Variants in ARAP3 observed in about 807,000 individuals in gnomAD.
The protein encoded by ARAP3 is arf-GAP with Rho-GAP domain, ANK repeat and PH domain-containing protein 3.
In ARAP3, 82 loss-of-function variants were observed where a neutral mutation model predicts 169.2. That is an observed-to-expected ratio of 0.48 (90% CI 0.41 to 0.58). The LOEUF is 0.58. ARAP3 is among the 20% of genes least tolerant of loss of function. ARAP3 has a pLI of 0.00. For synonymous variants in ARAP3, 791 were observed against 800.3 expected (o/e 0.99, Z 0.20); for missense variants, 1,764 against 2,018.0 (o/e 0.87, Z 2.41).
chr5:141,658,687 A>T (rs753005300), intron 23 of ARAP3, 34 bp from the exon 24 acceptor site: 1 of 1,555,032 alleles, frequency 6.4e-7, no homozygotes. Flanking sequence ...AGAAGGGCAA[A>T]AAAAGGGTGC....
In ARAP3 at chr5:141,672,167, C is replaced by T; in HGVS notation, c.1520G>A (p.Cys507Tyr). ...SNRANRQCAD[C>Y]GSSRPDWAAV... ...AGCCCAATCTGGGCGGGAGGACCCA[C>T]AGTCCGCACACTGCCGGTTGGCCCG... Residue 507 changes from cysteine to tyrosine, a missense_variant, in exon 10 of 33, where the codon TGT (cysteine) becomes TAT (tyrosine). Around this residue, in one of 3 missense-constraint regions of ARAP3, gnomAD observed 630 missense variants for 678.7 expected, o/e 0.93. Transcript: ENST00000239440. The surrounding 1 kb of genome is among the most constrained non-coding windows in gnomAD (Gnocchi z 4.9). The T allele has an allele frequency of 6.2e-7, 1 of 1,614,210 alleles. No homozygotes were observed. The highest frequency in any genetic ancestry group is 1.7e-5 in the Admixed American group (1 of 60,036).
chr5:141,669,931 G>A lies in ARAP3; in HGVS notation c.2240C>T (p.Pro747Leu). The A allele has an allele frequency of 6.2e-7, 1 of 1,601,426 alleles. No individual in the cohort carries two copies. The highest frequency in any genetic ancestry group is 1.3e-5 in the African/African-American group (1 of 74,250). The change falls in exon 15 of 33, where the codon CCA becomes CTA. Residue 747 changes from proline to leucine, a missense_variant. By Grantham distance (98) the Pro-to-Leu change is moderately conservative (BLOSUM62 -3). Coordinates refer to ENST00000239440, the MANE Select transcript of ARAP3 (RefSeq NM_022481.6). ...CLGVSPPPTD[P>L]GDRFPFSFEL... ...ACAGAAGGGCTATTACCTGTCACCT[G>A]GGTCAGTGGGTGGGGGGCTCACACC...
chr5:141,656,106 G>A lies in ARAP3; in HGVS notation c.3873-7C>T. On this transcript the variant is annotated splice_polypyrimidine_tract_variant and splice_region_variant and intron_variant, in intron 28 of 32. Transcript: ENST00000239440. Reference sequence around the variant, plus strand: ...TATCAATGTGAAGCCCCACCTGGGAGACAAAGAACAGTGATGGGGCAGTCA... The same window carrying A: ...TATCAATGTGAAGCCCCACCTGGGAAACAAAGAACAGTGATGGGGCAGTCA... 6.2e-7 allele frequency: 1 copy of A among 1,614,174 alleles called. No individual in the cohort carries two copies. The highest frequency in any genetic ancestry group is 2.2e-5 in the East Asian group (1 of 44,872).
Position 141,673,765 on chromosome 5 carries a change from C to T in ARAP3, c.742G>A (p.Ala248Thr). 6.2e-7 allele frequency: 1 copy of T among 1,614,156 alleles called. No homozygotes were observed. Residue 248 changes from alanine to threonine, a missense_variant, in exon 5 of 33, where the codon GCC (alanine) becomes ACC (threonine). Ala to Thr is a moderately conservative substitution (Grantham distance 58). This residue lies in a region of ARAP3 where 630 missense variants were observed against 678.7 expected (regional missense o/e 0.93). Transcript: ENST00000239440. The stretch of plus-strand genomic sequence containing the variant: ...GAGTCTCCAGGTAGCTCAAGGCTGG[C>T]ATAGCCAGCATCCTCCCGTGCCTCC... ...DLEAREDAGY[A>T]SLELPGDSTL...
intron 13 of ARAP3, 45 bp from the exon 14 acceptor site, chr5:141,670,673 G>T: frequency 6.5e-7 from 1 of 1,539,420 alleles, no homozygotes; most frequent in Non-Finnish European, 9.0e-7. Context: ...AGTGCAACGG[G>T]ATAACCTGAC....
In ARAP3 at chr5:141,672,932, G is replaced by A; in HGVS notation, c.1094-7C>T. On this transcript the variant is annotated splice_region_variant and splice_polypyrimidine_tract_variant and intron_variant, in intron 7 of 32. Transcript: ENST00000239440. The surrounding 1 kb of genome is among the most constrained non-coding windows in gnomAD (Gnocchi z 4.9). Reference sequence around the variant, plus strand: ...CACCACATGTCCCGCTGAGCTGGTGGGGATGGAGAAGCAGGTCAGTGGCTG... The same window carrying A: ...CACCACATGTCCCGCTGAGCTGGTGAGGATGGAGAAGCAGGTCAGTGGCTG... The A allele has an allele frequency of 6.2e-7, 1 of 1,611,736 alleles. No homozygotes were observed. Among genetic ancestry groups the A allele is most frequent in the Non-Finnish European group, 8.5e-7 (1 of 1,178,670 alleles).
intron 13 of ARAP3, 42 bp from the exon 14 acceptor site, chr5:141,670,670 C>T (rs758703893): frequency 6.5e-6 from 10 of 1,544,690 alleles, no homozygotes; most frequent in East Asian, 2.3e-5. Context: ...CCAAGTGCAA[C>T]GGGATAACCT....
At position 141,666,472 on chromosome 5, in the gene ARAP3, G is replaced by C; in HGVS notation, c.2524C>G (p.Pro842Ala). The change falls in exon 17 of 33, where the codon CCC becomes GCC. Residue 842 changes from proline to alanine, a missense_variant. This residue lies in a region of ARAP3 where 1,112 missense variants were observed against 1,285.7 expected (regional missense o/e 0.86). Coordinates refer to ENST00000239440, the MANE Select transcript of ARAP3 (RefSeq NM_022481.6). ...LFLCSAPGPG[P>A]PAPEDMVHLR... ...TGCACCATGTCCTCAGGGGCTGGGG[G>C]GCCTGGGCCCGGCGCTGAGCACAGG... 6.3e-7 allele frequency: 1 copy of C among 1,596,968 alleles called. No individual in the cohort carries two copies. Among genetic ancestry groups the C allele is most frequent in the Non-Finnish European group, 8.5e-7 (1 of 1,171,740 alleles).
In ARAP3 at chr5:141,665,477, AC is replaced by A. The variant is rs2099910508; in HGVS notation, c.2573-104del. On this transcript the variant is annotated intron_variant, in intron 17 of 32. Coordinates refer to ENST00000239440, the MANE Select transcript of ARAP3 (RefSeq NM_022481.6). ...GCATAGATGCCAGGCTAGGAGCATT[AC>A]AAAAAACGTTCAGTTGAATCCTATG... 4.1e-6 allele frequency: 5 copies of A among 1,228,060 alleles called. No individual in the cohort carries two copies. The Admixed American group carries it at 7.9e-5, about 19-fold the overall frequency. The allele number at this position is 1,228,060 out of a possible 1,614,324, so 76.1% of individuals were successfully genotyped here. A position where few individuals can be genotyped will look rare whatever the true frequency, so the allele number is the denominator to read the frequency against.
In ARAP3 at chr5:141,661,744, A is replaced by G; in HGVS notation, c.3059T>C (p.Ile1020Thr). Residue 1020 changes from isoleucine to threonine, a missense_variant, in exon 21 of 33, where the codon ATT becomes ACT. By Grantham distance (89) the Ile-to-Thr change is moderately conservative. Coordinates refer to ENST00000239440, the MANE Select transcript of ARAP3 (RefSeq NM_022481.6). The stretch of plus-strand genomic sequence containing the variant: ...GCGGTTGACCCGCGGCAGGCAGCCA[A>G]TCACATCTTTATATTTCTCCAGGCG... ...NQRLEKYKDV[I>T]GCLPRVNRRT... The G allele has an allele frequency of 6.2e-7, 1 of 1,614,262 alleles. No individual in the cohort carries two copies. The highest frequency in any genetic ancestry group is 8.5e-7 in the Non-Finnish European group (1 of 1,180,054).
intron 19 of ARAP3, 53 bp from the exon 20 acceptor site, chr5:141,662,308 C>A: frequency 3.8e-6 from 6 of 1,577,572 alleles, no homozygotes; most frequent in Non-Finnish European, 5.2e-6. Context: ...TACCACCACC[C>A]ACCACGGCCC....
At position 141,680,354 on chromosome 5, in the gene ARAP3, T is replaced by C; in HGVS notation, c.133A>G (p.Lys45Glu). ...AARGLGHEEL[K>E]QLGISATGHR... ...CCTGTGGCGCTGATGCCCAACTGCT[T>C]CAACTCCTCGTGGCCCAGGCCCCGG... Residue 45 changes from lysine to glutamate, a missense_variant, in exon 2 of 33, where the codon AAG becomes GAG. Transcript: ENST00000239440. 1 of 1,614,190 alleles carries C rather than the reference T, an allele frequency of 6.2e-7. No homozygotes were observed.
chr5:141,656,414 A>G (rs1402005173), intron 27 of ARAP3, 90 bp downstream of exon 27: 2 of 1,583,294 alleles, frequency 1.3e-6, no homozygotes, highest in African/African-American at 2.7e-5. Flanking sequence ...GATTGATGAG[A>G]GTATGGGCTG....
rs759385995 is a variant in ARAP3 at position 141,671,890 on chromosome 5, C to T, written c.1671+5G>A. ...CTCCCACCTTCTCCCTCTTCGCCCGCTCACCTGTACTATCTCATTACTCCA... is the reference window on the plus strand; with the variant it reads ...CTCCCACCTTCTCCCTCTTCGCCCGTTCACCTGTACTATCTCATTACTCCA... On this transcript the variant is annotated splice_donor_5th_base_variant and intron_variant, in intron 11 of 32. Coordinates refer to ENST00000239440, the MANE Select transcript of ARAP3 (RefSeq NM_022481.6). This position sits in a 1 kb window ranked among gnomAD's most constrained non-coding sequence, Gnocchi z 4.9. The T allele has an allele frequency of 5.0e-6, 8 of 1,614,164 alleles. No homozygotes were observed. The highest frequency in any genetic ancestry group is 1.3e-5 in the African/African-American group (1 of 75,026).
chr5:141,673,191 C>T, intron 6 of ARAP3, 58 bp from the exon 7 acceptor site: 1 of 1,609,372 alleles, frequency 6.2e-7, no homozygotes, highest in South Asian at 1.1e-5. Flanking sequence ...GTGTGCCAGC[C>T]CCTGGGTCCT....
Position 141,673,826 on chromosome 5 carries a change from AG to A in ARAP3, c.699-19del. The A allele has an allele frequency of 6.2e-7, 1 of 1,612,958 alleles. No individual in the cohort carries two copies. Among genetic ancestry groups the A allele is most frequent in the Non-Finnish European group, 8.5e-7 (1 of 1,179,640 alleles). ...TGCTGAGCCTTGTGGGGGCCAAGAC[AG>A]GGAGGGACACACATTAGACAAGTAC... On this transcript the variant is annotated intron_variant, in intron 4 of 32. Coordinates refer to ENST00000239440, the MANE Select transcript of ARAP3 (RefSeq NM_022481.6).
rs2099908842 is a variant in ARAP3 at position 141,653,815 on chromosome 5, A to G, written c.*135T>C. ...GGGACACGCAGCCACTGAAGCCTTT[A>G]GTCCAGTGCTCCTTCCACAGCACCA... On this transcript the variant is annotated 3_prime_UTR_variant, in exon 33 of 33. Coordinates refer to ENST00000239440, the MANE Select transcript of ARAP3 (RefSeq NM_022481.6). The G allele has an allele frequency of 1.3e-5, 16 of 1,279,490 alleles. No homozygotes were observed. The highest frequency in any genetic ancestry group is 1.7e-5 in the Non-Finnish European group (16 of 946,890). 79.3% of individuals were successfully genotyped at this position (1,279,490 alleles called of 1,614,324 possible). A position where few individuals can be genotyped will look rare whatever the true frequency, so the allele number is the denominator to read the frequency against.
chr5:141,678,946 C>A (rs760581383), intron 4 of ARAP3, among the ~76,000 whole-genome samples: 2 of 152,206 alleles, frequency 1.3e-5, no homozygotes, highest in African/African-American at 4.8e-5. Context: ...CATCTACATC[C>A]GGTGCATGAT....
Position 141,661,741 on chromosome 5 carries a change from C to G in ARAP3, c.3062G>C (p.Gly1021Ala). 1 of 1,614,216 alleles carries G rather than the reference C, an allele frequency of 6.2e-7. No individual in the cohort carries two copies. The highest frequency in any genetic ancestry group is 1.3e-5 in the African/African-American group (1 of 75,056). ...QRLEKYKDVIGCLPRVNRRTL... is the reference protein window; with the variant it reads ...QRLEKYKDVIACLPRVNRRTL... ...GCGGCGGTTGACCCGCGGCAGGCAG[C>G]CAATCACATCTTTATATTTCTCCAG... is the stretch of plus-strand genomic sequence containing the variant. Residue 1021 changes from glycine (G) to alanine (A), a missense_variant, in exon 21 of 33, where the codon GGC (glycine) becomes GCC (alanine). Physicochemically the swap from Gly to Ala is moderately conservative, Grantham distance 60 (BLOSUM62 0). Transcript: ENST00000239440.
Sources: gnomAD v4.1 joint callset for allele counts (sites outside exome capture counted in the v4.1 genomes callset) on GRCh38, gnomAD v4.1.1 for gene constraint, gnomAD v4.1.1 regional missense constraint, Gnocchi (gnomAD v3.1) non-coding constraint, MANE v1.5 for transcripts, NCBI Gene and HGNC (gene_info 2026-07-23, HGNC 2026-07-21) for gene names.